Variants in STK32B observed in about 807,000 individuals in gnomAD.
STK32B encodes the protein serine/threonine-protein kinase 32B.
Under a neutral mutation model 52.6 loss-of-function variants are expected in STK32B, and 43 were observed. The ratio of observed to expected loss-of-function variants is 0.82; its 90% CI spans 0.64 to 1.05. The LOEUF is 1.05. Ranked by LOEUF, STK32B falls within the 50% of genes least tolerant of loss-of-function variation. The probability of loss-of-function intolerance (pLI) is 0.00; values close to 1 mark genes in which losing one functional copy is unlikely to be tolerated. For missense variants in STK32B, 621 were observed against 534.6 expected (o/e 1.16, Z -1.59); for synonymous variants, 238 against 204.3 (o/e 1.17, Z -1.41).
chr4:5,180,124 G>A (rs960676836), intron 3 of STK32B, among the ~76,000 whole-genome samples: 15 of 152,184 alleles, frequency 9.9e-5, no homozygotes, highest in African/African-American at 3.4e-4. Flanking sequence ...GGTGCCTGCT[G>A]CCCACATGCC....
intron 3 of STK32B, among the ~76,000 whole-genome samples, chr4:5,176,593 G>A (rs1560200029): frequency 1.3e-5 from 2 of 152,080 alleles, no homozygotes; most frequent in South Asian, 4.2e-4. Context: ...ACAAGCGCCT[G>A]CCACCACACG....
chr4:5,348,457 C>T (rs1379388131), intron 4 of STK32B, among the ~76,000 whole-genome samples: 7 of 152,166 alleles, frequency 4.6e-5, no homozygotes, highest in Non-Finnish European at 1.0e-4. Flanking sequence ...CACCCATAGC[C>T]GTTGCTTTAG....
At chr4:5,070,778 G>T (rs570237616) in intron 1 of STK32B, among the ~76,000 whole-genome samples, 1 of 152,148 alleles carries the variant, frequency 6.6e-6, no homozygotes, top group Non-Finnish European at 1.5e-5. Context: ...GGTTGGAACA[G>T]AACATGCAGC....
chr4:5,273,670 T>G (rs1384514935), intron 3 of STK32B, among the ~76,000 whole-genome samples: 1 of 82,260 alleles, frequency 1.2e-5, no homozygotes, highest in Non-Finnish European at 2.3e-5. Flanking sequence ...CCATAAAAAA[T>G]GATGAGTTCA....
intron 3 of STK32B, among the ~76,000 whole-genome samples, chr4:5,254,146 G>A (rs1230383574): frequency 1.3e-5 from 2 of 152,028 alleles, no homozygotes; most frequent in Non-Finnish European, 2.9e-5. Flanking sequence ...GTTAGCTTTC[G>A]GTAAGGTATG....
chr4:5,374,773 C>A (rs1367783080), intron 4 of STK32B, among the ~76,000 whole-genome samples: 3 of 127,758 alleles, frequency 2.3e-5, no homozygotes, highest in African/African-American at 1.0e-4. Context: ...TGAATATTGA[C>A]GGGGGCGGGG....
rs1721417998 is a variant in STK32B, at chr4:5,193,721, A to G, written c.260+25271A>G. Reference sequence around the variant, plus strand: ...AGCCACATATGTGAAACTAGAAGAAATATCTTGGAAGGTGATGACACGAGG... The same window carrying G: ...AGCCACATATGTGAAACTAGAAGAAGTATCTTGGAAGGTGATGACACGAGG... On this transcript the variant is annotated intron_variant, in intron 3 of 11. Transcript: ENST00000282908. Among the ~76,000 whole-genome samples the G allele has an allele frequency of 2.0e-5, 3 of 152,250 alleles. No individual in the cohort carries two copies. The South Asian group carries it at 6.2e-4, about 31-fold the overall frequency.
chr4:5,248,935 G>C (rs1170251262), intron 3 of STK32B, among the ~76,000 whole-genome samples: 1 of 149,622 alleles, frequency 6.7e-6, no homozygotes, highest in Non-Finnish European at 1.5e-5. Flanking sequence ...TGGGGTGGGG[G>C]GAGAGGGGAG....
chr4:5,221,592 C>T (rs1465579926), intron 3 of STK32B, among the ~76,000 whole-genome samples: 1 of 152,142 alleles, frequency 6.6e-6, no homozygotes, highest in Non-Finnish European at 1.5e-5. Context: ...TGTCCATGTT[C>T]ATGGTTGCTT....
At chr4:5,192,205 T>A (rs1341490115) in intron 3 of STK32B, among the ~76,000 whole-genome samples, 1 of 152,214 alleles carries the variant, frequency 6.6e-6, no homozygotes, top group Non-Finnish European at 1.5e-5. Flanking sequence ...TGACATTTTC[T>A]TAGAAAACCT....
At chr4:5,261,979 A>G (rs1203744627) in intron 3 of STK32B, among the ~76,000 whole-genome samples, 2 of 152,218 alleles carry the variant, frequency 1.3e-5, no homozygotes, top group Admixed American at 1.3e-4. Context: ...TTACTGGTGC[A>G]TATACAATTA....
chr4:5,159,633 ATATATATGAATG>A (rs1427093830), intron 2 of STK32B, among the ~76,000 whole-genome samples: 2,080 of 85,274 alleles, frequency 0.024, 360 homozygotes, highest in Admixed American at 0.078. Flanking sequence ...ATATATGAAT[ATATATATGAATG>A]TATATGAATA....
chr4:5,146,441 A>G (rs1430004857), intron 2 of STK32B, among the ~76,000 whole-genome samples: 2 of 152,202 alleles, frequency 1.3e-5, no homozygotes, highest in Admixed American at 6.5e-5. Flanking sequence ...CAGGAGGAAG[A>G]TGAAGGCTGG....
chr4:5,173,166 C>T (rs564313087), intron 3 of STK32B, among the ~76,000 whole-genome samples: 5 of 152,192 alleles, frequency 3.3e-5, no homozygotes, highest in African/African-American at 9.6e-5. Flanking sequence ...TCCCCTTTGT[C>T]ATTTTTATTG....
intron 3 of STK32B, among the ~76,000 whole-genome samples, chr4:5,303,744 G>A (rs1729734359): frequency 6.6e-6 from 1 of 152,032 alleles, no homozygotes; most frequent in African/African-American, 2.4e-5. Flanking sequence ...TTTTGGTCAT[G>A]AAGTCTACCT....
chr4:5,153,000 A>G (rs1164245989), intron 2 of STK32B, among the ~76,000 whole-genome samples: 1 of 152,192 alleles, frequency 6.6e-6, no homozygotes, highest in Admixed American at 6.5e-5. Context: ...CTAATAGCCC[A>G]GTATGATGGA....
At chr4:5,358,821 G>T (rs958291641) in intron 4 of STK32B, among the ~76,000 whole-genome samples, 16 of 152,118 alleles carry the variant, frequency 1.1e-4, no homozygotes, top group African/African-American at 3.9e-4. Context: ...TGTAGGGCTA[G>T]AAAAGGTATG....
chr4:5,133,443 A>G (rs1289096096), intron 1 of STK32B, among the ~76,000 whole-genome samples: 1 of 152,104 alleles, frequency 6.6e-6, no homozygotes, highest in Non-Finnish European at 1.5e-5. Context: ...CTCCCTACCC[A>G]TACTCCCACT....
At chr4:5,021,605 C>A in the STK32B span, among the ~76,000 whole-genome samples, 5 of 152,212 alleles carry the variant, frequency 3.3e-5, no homozygotes, top group African/African-American at 1.2e-4. Flanking sequence ...CAAACAAGTC[C>A]TGCACCATTA....
Sources: allele counts gnomAD v4.1 joint callset (sites outside exome capture counted in the v4.1 genomes callset), GRCh38; gene constraint gnomAD v4.1.1; transcripts MANE v1.5; gene names NCBI Gene and HGNC (gene_info 2026-07-23, HGNC 2026-07-21).